DIAPH2: variants seen among roughly 807,000 people sequenced by gnomAD.
The protein encoded by DIAPH2 is diaphanous related formin 2, also known as protein diaphanous homolog 2.
Under a neutral mutation model 92.7 loss-of-function variants are expected in DIAPH2, and 35 were observed. The ratio of observed to expected loss-of-function variants is 0.38; its 90% CI spans 0.29 to 0.50. The LOEUF (loss-of-function observed/expected upper bound fraction) is 0.50, where lower values mean the gene tolerates loss of function less well. DIAPH2 is among the 20% of genes least tolerant of loss of function. The pLI, the probability that DIAPH2 is intolerant of heterozygous loss-of-function variation, is 0.94. For synonymous variants in DIAPH2, 301 were observed against 280.4 expected (o/e 1.07, Z -0.73); for missense variants, 701 against 819.5 (o/e 0.86, Z 1.77).
chrX:96,870,154 A>G (rs1202392908), intron 4 of DIAPH2, among the ~76,000 whole-genome samples: 4 of 111,934 alleles, frequency 3.6e-5, no homozygotes, highest in Non-Finnish European at 5.6e-5. Context: ...ACAGCAGAAG[A>G]AAAAATGGTT....
chrX:97,099,198 C>G (rs985830563), intron 19 of DIAPH2, among the ~76,000 whole-genome samples: 1 of 110,518 alleles, frequency 9.0e-6, no homozygotes, highest in Non-Finnish European at 1.9e-5. Context: ...AACCCCGTCT[C>G]TACTAAAAAT....
rs1288901277 is a variant in DIAPH2 at position 97,600,893 on chromosome X, A to G, written c.*1576A>G. On this transcript the variant is annotated 3_prime_UTR_variant, in exon 27 of 27. Coordinates refer to ENST00000324765, the MANE Select transcript of DIAPH2 (RefSeq NM_006729.5). The stretch of plus-strand genomic sequence containing the variant: ...CTTTATATAGATGTATAATGATTCA[A>G]ACTGCTGCCTTTGCCTCCAGTGCAT... 3 of 111,943 alleles carry G rather than the reference A, an allele frequency of 2.7e-5. No individual in the cohort carries two copies. The highest frequency in any genetic ancestry group is 9.5e-5 in the Admixed American group (1 of 10,573). 9.2% of individuals were successfully genotyped at this position (111,943 alleles called of 1,213,427 possible).
In DIAPH2 at chrX:96,965,163, A is replaced by G; in HGVS notation, c.2006A>G (p.Asp669Gly). 1 of 1,198,191 alleles carries G rather than the reference A, an allele frequency of 8.3e-7. No homozygotes were observed. The highest frequency in any genetic ancestry group is 1.8e-5 in the South Asian group (1 of 54,496). Residue 669 changes from aspartate (D) to glycine (G), a missense_variant, in exon 17 of 27, where the codon GAT becomes GGT. Asp to Gly is a moderately conservative substitution (Grantham distance 94). Around this residue, in one of 3 missense-constraint regions of DIAPH2, gnomAD observed 536 missense variants for 599.3 expected, o/e 0.89. Transcript: ENST00000324765. ...AAAGAAGACAAGTTTGAGAATCCAG[A>G]TCTCTTTGCCAAATTGGCATTGAAT... Reference protein sequence around the residue: ...RVKEDKFENPDLFAKLALNFA... With the variant: ...RVKEDKFENPGLFAKLALNFA...
intron 26 of DIAPH2, among the ~76,000 whole-genome samples, chrX:97,484,853 G>A (rs772247633): frequency 7.1e-4 from 79 of 111,315 alleles, no homozygotes; most frequent in African/African-American, 2.4e-3. Flanking sequence ...GCGATATCAC[G>A]CCACTGCACT....
intron 23 of DIAPH2, among the ~76,000 whole-genome samples, chrX:97,306,351 TG>T (rs1014448577): frequency 6.6e-4 from 73 of 111,335 alleles, no homozygotes; most frequent in African/African-American, 2.3e-3. Context: ...GGTGAGGTTG[TG>T]GGGAGGGTTT....
intron 22 of DIAPH2, among the ~76,000 whole-genome samples, chrX:97,166,724 G>T (rs1467281647): frequency 1.8e-5 from 2 of 111,403 alleles, no homozygotes; most frequent in Non-Finnish European, 3.8e-5. Context: ...AAAATCCCAC[G>T]AACTTAGCAC....
intron 24 of DIAPH2, among the ~76,000 whole-genome samples, chrX:97,374,628 T>C (rs1435192203): frequency 8.9e-6 from 1 of 112,332 alleles, no homozygotes; most frequent in Non-Finnish European, 1.9e-5. Flanking sequence ...AGGTACTGAC[T>C]CTCAGAGTCT....
At chrX:97,459,072 A>G (rs944300356) in intron 26 of DIAPH2, among the ~76,000 whole-genome samples, 1 of 111,831 alleles carries the variant, frequency 8.9e-6, no homozygotes, top group African/African-American at 3.3e-5. Context: ...TTTTTCTTTT[A>G]ATCTCTAGAT....
rs2063911517 is a variant in DIAPH2 at position 96,710,571 on chromosome X, C to T, written c.133-25187C>T. On this transcript the variant is annotated intron_variant, in intron 1 of 26. Coordinates refer to ENST00000324765, the MANE Select transcript of DIAPH2 (RefSeq NM_006729.5). ...AGAAATTTACATTTTTCTCTTTTTA[C>T]TTTGTGTGGATTAATGCTCTAGATT... Among the ~76,000 whole-genome samples the T allele has an allele frequency of 2.7e-5, 3 of 111,264 alleles. No homozygotes were observed. In the South Asian group the frequency reaches 1.1e-3, roughly 42 times the overall value.
chrX:97,280,302 G>A (rs1264979222), intron 23 of DIAPH2, among the ~76,000 whole-genome samples: 2 of 107,776 alleles, frequency 1.9e-5, no homozygotes, highest in African/African-American at 3.5e-5. Flanking sequence ...GTGAAACCTC[G>A]TCTCTACTAA....
At chrX:97,554,004 A>G (rs7877211) in intron 26 of DIAPH2, among the ~76,000 whole-genome samples, 147 of 111,808 alleles carry the variant, frequency 1.3e-3, no homozygotes, top group African/African-American at 4.4e-3. Context: ...ATGTGCATAT[A>G]TTAATATATG....
chrX:97,472,810 A>G (rs1256436569), intron 26 of DIAPH2, among the ~76,000 whole-genome samples: 5 of 112,287 alleles, frequency 4.5e-5, no homozygotes, highest in African/African-American at 6.5e-5. Context: ...TGCTTGACAC[A>G]CAGGAGTGAT....
At chrX:97,054,672 G>C (rs1170814937) in intron 17 of DIAPH2, among the ~76,000 whole-genome samples, 1 of 111,722 alleles carries the variant, frequency 9.0e-6, no homozygotes, top group Non-Finnish European at 1.9e-5. Context: ...AATCTGGTTT[G>C]GGTAGAGCAT....
chrX:97,282,230 T>C (rs2068504132), intron 23 of DIAPH2, among the ~76,000 whole-genome samples: 1 of 111,912 alleles, frequency 8.9e-6, no homozygotes, highest in Non-Finnish European at 1.9e-5. Flanking sequence ...CAGCGGCAAC[T>C]GAATCTCACC....
chrX:97,026,382 T>A (rs2066335160), intron 17 of DIAPH2, among the ~76,000 whole-genome samples: 1 of 112,150 alleles, frequency 8.9e-6, no homozygotes, highest in South Asian at 3.7e-4. Flanking sequence ...AACATATAAT[T>A]GTAAAAAAAG....
chrX:97,496,510 A>T (rs552625259), intron 26 of DIAPH2, among the ~76,000 whole-genome samples: 59 of 108,677 alleles, frequency 5.4e-4, no homozygotes, highest in African/African-American at 1.9e-3. Flanking sequence ...TTCATATGTT[A>T]AAAAAAAAGA....
intron 22 of DIAPH2, among the ~76,000 whole-genome samples, chrX:97,197,192 A>G (rs1395596196): frequency 8.9e-6 from 1 of 112,134 alleles, no homozygotes; most frequent in Non-Finnish European, 1.9e-5. Context: ...TGTACTCACT[A>G]TACTCATATA....
At chrX:97,258,102 A>C (rs1419151377) in intron 23 of DIAPH2, among the ~76,000 whole-genome samples, 1 of 111,936 alleles carries the variant, frequency 8.9e-6, no homozygotes, top group Non-Finnish European at 1.9e-5. Flanking sequence ...GAATGCTTGT[A>C]GAGTAAGCAG....
At chrX:96,742,701 C>T (rs1173619950) in intron 3 of DIAPH2, among the ~76,000 whole-genome samples, 5 of 107,069 alleles carry the variant, frequency 4.7e-5, no homozygotes, top group Non-Finnish European at 7.7e-5. Context: ...GAGTCTCACT[C>T]TGTCATCCAG....
Sources: allele counts gnomAD v4.1 joint callset (sites outside exome capture counted in the v4.1 genomes callset), GRCh38; gene constraint gnomAD v4.1.1; regional missense constraint gnomAD v4.1.1; transcripts MANE v1.5; gene names NCBI Gene and HGNC (gene_info 2026-07-23, HGNC 2026-07-21).